The following C12orf42 variants were observed in gnomAD, a reference collection of about 807,000 sequenced individuals.
C12orf42 encodes uncharacterized protein C12orf42.
Under a neutral mutation model 21.6 loss-of-function variants are expected in C12orf42, and 25 were observed. That is an observed-to-expected ratio of 1.16 (90% CI 0.84 to 1.62). The LOEUF (loss-of-function observed/expected upper bound fraction) is 1.62, where lower values mean the gene tolerates loss of function less well. Ranked by LOEUF, C12orf42 falls within the 40% of genes most tolerant of loss-of-function variation. The probability of loss-of-function intolerance (pLI) is 0.00; values close to 1 mark genes in which losing one functional copy is unlikely to be tolerated. For synonymous variants in C12orf42, 174 were observed against 175.0 expected (o/e 0.99, Z 0.05); for missense variants, 483 against 459.3 (o/e 1.05, Z -0.47).
downstream of C12orf42, among the ~76,000 whole-genome samples, chr12:103,233,482 T>C (rs2033370145): frequency 2.0e-5 from 3 of 152,200 alleles, no homozygotes; most frequent in Admixed American, 2.0e-4. Context: ...GTTTATTTAG[T>C]TCTTTGATTT....
At chr12:103,342,696 C>T (rs1419258043) in intron 4 of C12orf42, among the ~76,000 whole-genome samples, 2 of 125,690 alleles carry the variant, frequency 1.6e-5, no homozygotes, top group Non-Finnish European at 3.2e-5. Flanking sequence ...CAAAAACAAG[C>T]CCACTCTTAA....
At chr12:103,162,980 G>A in the C12orf42 span, 1 of 152,178 alleles carries the variant, frequency 6.6e-6, no homozygotes, top group Non-Finnish European at 1.5e-5. Context: ...GGTAGAAACA[G>A]TAAATTACAT....
the C12orf42 span, chr12:103,151,707 G>A: frequency 1.3e-5 from 2 of 152,068 alleles, no homozygotes; most frequent in Admixed American, 6.6e-5. Context: ...CTCAACCATG[G>A]TAACAACTCT....
the C12orf42 span, among the ~76,000 whole-genome samples, chr12:103,052,647 G>A: frequency 1.3e-5 from 2 of 151,846 alleles, no homozygotes; most frequent in East Asian, 3.9e-4. Context: ...GCTTTATGAC[G>A]AATAGAAGTT....
intron 3 of C12orf42, among the ~76,000 whole-genome samples, chr12:103,392,036 T>C (rs1047885265): frequency 2.0e-5 from 3 of 152,190 alleles, no homozygotes; most frequent in African/African-American, 7.2e-5. Flanking sequence ...TTTCATCCTT[T>C]TGCATGTGAA....
chr12:103,399,422 G>A (rs910178629), intron 3 of C12orf42, among the ~76,000 whole-genome samples: 2 of 150,912 alleles, frequency 1.3e-5, no homozygotes, highest in Non-Finnish European at 2.9e-5. Context: ...AGGCTGGAGT[G>A]AAATGGTGCA....
At chr12:103,087,004 A>G in the C12orf42 span, among the ~76,000 whole-genome samples, 3 of 152,216 alleles carry the variant, frequency 2.0e-5, no homozygotes, top group Non-Finnish European at 1.5e-5. Context: ...AGGAAATGCC[A>G]TAAGTTAATT....
chr12:103,427,284 C>CAA, intron 2 of C12orf42, among the ~76,000 whole-genome samples: 1 of 39,352 alleles, frequency 2.5e-5, no homozygotes, highest in African/African-American at 8.8e-5. Flanking sequence ...AAATGGAAAG[C>CAA]AAAAAAAAAA....
the C12orf42 span, among the ~76,000 whole-genome samples, chr12:103,142,163 C>A: frequency 6.6e-6 from 1 of 152,148 alleles, no homozygotes; most frequent in African/African-American, 2.4e-5. Flanking sequence ...ACTAGTTTTG[C>A]TGTTGTTATT....
At chr12:103,289,755 CTCATTCT>C (rs780184980) in intron 4 of C12orf42, among the ~76,000 whole-genome samples, 3 of 152,088 alleles carry the variant, frequency 2.0e-5, no homozygotes, top group Non-Finnish European at 2.9e-5. Context: ...GTAGTAAGAG[CTCATTCT>C]TGAACAAATA....
chr12:103,305,313 C>G (rs77783527), intron 5 of C12orf42, among the ~76,000 whole-genome samples: 1 of 152,104 alleles, frequency 6.6e-6, no homozygotes, highest in East Asian at 1.9e-4. Flanking sequence ...AACATCAGCA[C>G]CATAAGTACC....
At chr12:103,208,255 C>T in the C12orf42 span, among the ~76,000 whole-genome samples, 39 of 152,294 alleles carry the variant, frequency 2.6e-4, no homozygotes, top group African/African-American at 9.4e-4. Flanking sequence ...GATGCTGGGA[C>T]TTAGACAAAG....
At chr12:103,071,461 A>ATCCC in the C12orf42 span, among the ~76,000 whole-genome samples, 12 of 152,176 alleles carry the variant, frequency 7.9e-5, no homozygotes, top group Non-Finnish European at 1.6e-4. Context: ...ATCAGAGAGC[A>ATCCC]TCCCTAACAT....
chr12:103,359,366 A>G (rs2043878540), intron 4 of C12orf42, among the ~76,000 whole-genome samples: 1 of 152,084 alleles, frequency 6.6e-6, no homozygotes, highest in South Asian at 2.1e-4. Context: ...AGAACATTTC[A>G]TCACCTCAAT....
At chr12:103,155,860 TATATATAC>T in the C12orf42 span, among the ~76,000 whole-genome samples, 1 of 150,866 alleles carries the variant, frequency 6.6e-6, no homozygotes, top group South Asian at 2.1e-4. Flanking sequence ...TATATGAGTG[TATATATAC>T]ATATATACAT....
At chr12:103,388,171 G>T (rs921539205) in intron 3 of C12orf42, among the ~76,000 whole-genome samples, 1 of 152,260 alleles carries the variant, frequency 6.6e-6, no homozygotes. Flanking sequence ...TGCCAGAGAA[G>T]GGGGGGTGAT....
chr12:103,282,459 T>C (rs888043494), intron 4 of C12orf42, among the ~76,000 whole-genome samples: 27 of 152,226 alleles, frequency 1.8e-4, no homozygotes, highest in Admixed American at 1.7e-3. Flanking sequence ...TGTGTTGTAA[T>C]TGCCTACAGT....
At chr12:103,142,544 A>G in the C12orf42 span, among the ~76,000 whole-genome samples, 6 of 152,190 alleles carry the variant, frequency 3.9e-5, no homozygotes, top group Non-Finnish European at 2.9e-5. Flanking sequence ...TTCACTGAGG[A>G]CTGACCCCAA....
At chr12:103,152,585 C>T in the C12orf42 span, among the ~76,000 whole-genome samples, 1 of 152,018 alleles carries the variant, frequency 6.6e-6, no homozygotes, top group South Asian at 2.1e-4. Context: ...ACCTAGAATA[C>T]TAGACTATCC....
Sources: allele counts gnomAD v4.1 joint callset (sites outside exome capture counted in the v4.1 genomes callset), GRCh38; gene constraint gnomAD v4.1.1; transcripts MANE v1.5; gene names NCBI Gene and HGNC (gene_info 2026-07-23, HGNC 2026-07-21).